SLC25A21: variants seen among roughly 807,000 people sequenced by gnomAD.
SLC25A21 encodes mitochondrial 2-oxodicarboxylate carrier.
SLC25A21 carries 47 observed loss-of-function variants against 43.8 expected under a neutral mutation model. The observed-to-expected ratio is 1.07, with a 90% CI of 0.85 to 1.37. The LOEUF is 1.37. Among genes scored for constraint, SLC25A21 ranks in the 40% most tolerant of loss-of-function variants. The probability of loss-of-function intolerance (pLI) is 0.00; values close to 1 mark genes in which losing one functional copy is unlikely to be tolerated. For synonymous variants in SLC25A21, 131 were observed against 121.3 expected (o/e 1.08, Z -0.52); for missense variants, 352 against 350.2 (o/e 1.00, Z -0.04).
chr14:36,720,940 T>G (rs113808258), intron 6 of SLC25A21, among the ~76,000 whole-genome samples: 1 of 152,328 alleles, frequency 6.6e-6, no homozygotes, highest in African/African-American at 2.4e-5. Context: ...CAGTGGCATC[T>G]GATAATGACC....
Position 37,112,472 on chromosome 14 carries a change from A to G in SLC25A21, c.70+59809T>C, listed in dbSNP as rs552700885. Among the ~76,000 whole-genome samples the G allele has an allele frequency of 3.9e-5, 6 of 152,322 alleles. No individual in the cohort carries two copies. The East Asian group carries it at 1.2e-3, about 29-fold the overall frequency. On this transcript the variant is annotated intron_variant, in intron 1 of 9. Transcript: ENST00000331299. ...GGCACAGACCACTAATTGTCCTCCA[A>G]TATTCATTCTCCTGTTCCTTCCTTG...
chr14:36,792,675 A>T (rs1887531725), intron 3 of SLC25A21, among the ~76,000 whole-genome samples: 2 of 152,178 alleles, frequency 1.3e-5, no homozygotes, highest in African/African-American at 4.8e-5. Context: ...ACAAGAGCTT[A>T]ATTTGTACAT....
intron 1 of SLC25A21, among the ~76,000 whole-genome samples, chr14:36,997,289 C>T (rs1960391759): frequency 1.3e-5 from 2 of 152,068 alleles, no homozygotes; most frequent in African/African-American, 4.8e-5. Context: ...GTCTATGCTC[C>T]CGCGGAGCTA....
chr14:37,172,292 C>G lies in SLC25A21; in HGVS notation c.59G>C (p.Gly20Ala). The change falls in exon 1 of 10, where the codon GGT becomes GCT. Residue 20 changes from glycine (G) to alanine (A), a missense_variant. By Grantham distance (60) the Gly-to-Ala change is moderately conservative. Coordinates refer to ENST00000331299, the MANE Select transcript of SLC25A21 (RefSeq NM_030631.4). Reference protein sequence around the residue: ...VREASRQIVAGGSAGLVEICL... With the variant: ...VREASRQIVAAGSAGLVEICL... ...CGGGCTGTCCTTACCTGCAGAACCACCGGCCACGATCTGCCGAGAAGCCTC... is the reference window on the plus strand; with the variant it reads ...CGGGCTGTCCTTACCTGCAGAACCAGCGGCCACGATCTGCCGAGAAGCCTC... 1 of 1,598,558 alleles carries G rather than the reference C, an allele frequency of 6.3e-7. No individual in the cohort carries two copies. The highest frequency in any genetic ancestry group is 1.1e-5 in the South Asian group (1 of 88,242).
chr14:36,812,740 A>G (rs1327624767), intron 3 of SLC25A21, among the ~76,000 whole-genome samples: 1 of 152,134 alleles, frequency 6.6e-6, no homozygotes, highest in Non-Finnish European at 1.5e-5. Context: ...TTATAGTGCA[A>G]CCTGGCAAGA....
chr14:36,958,677 G>A (rs934449692), intron 1 of SLC25A21, among the ~76,000 whole-genome samples: 13 of 102,582 alleles, frequency 1.3e-4, no homozygotes, highest in Non-Finnish European at 2.1e-4. Flanking sequence ...ATAAGCACAC[G>A]TGCACACACA....
chr14:36,834,278 T>G (rs540846176), intron 2 of SLC25A21, among the ~76,000 whole-genome samples: 164 of 152,232 alleles, frequency 1.1e-3, no homozygotes, highest in African/African-American at 3.8e-3. Context: ...TCAGGCAAGG[T>G]TTTTGTTGCT....
chr14:37,103,760 A>G (rs970067330), intron 1 of SLC25A21, among the ~76,000 whole-genome samples: 1 of 152,160 alleles, frequency 6.6e-6, no homozygotes, highest in African/African-American at 2.4e-5. Flanking sequence ...CTGTGCTTCA[A>G]ATATCATGGC....
At chr14:37,033,341 A>G (rs1961259968) in intron 1 of SLC25A21, among the ~76,000 whole-genome samples, 1 of 152,250 alleles carries the variant, frequency 6.6e-6, no homozygotes, top group South Asian at 2.1e-4. Flanking sequence ...CGTATATACT[A>G]TATTTTTAAA....
intron 3 of SLC25A21, among the ~76,000 whole-genome samples, chr14:36,768,758 G>A (rs1217087119): frequency 6.6e-6 from 1 of 152,030 alleles, no homozygotes; most frequent in Non-Finnish European, 1.5e-5. Flanking sequence ...ATGAGTTAAT[G>A]CACGGACAAA....
At chr14:36,936,016 T>C (rs1415793067) in intron 1 of SLC25A21, among the ~76,000 whole-genome samples, 1 of 105,784 alleles carries the variant, frequency 9.5e-6, no homozygotes, top group Non-Finnish European at 2.4e-5. Flanking sequence ...GCTAAGTTAT[T>C]CCACATTTCC....
At chr14:36,976,813 C>T (rs767664286) in intron 1 of SLC25A21, among the ~76,000 whole-genome samples, 8 of 152,206 alleles carry the variant, frequency 5.3e-5, no homozygotes, top group Non-Finnish European at 1.0e-4. Context: ...ACAACTGCCA[C>T]CCTATCTGAG....
intron 1 of SLC25A21, among the ~76,000 whole-genome samples, chr14:36,906,105 T>C (rs1166131161): frequency 6.6e-6 from 1 of 152,202 alleles, no homozygotes; most frequent in Non-Finnish European, 1.5e-5. Flanking sequence ...GTGAAACTAA[T>C]ACTTATTCTC....
At chr14:36,953,702 T>C (rs1462451076) in intron 1 of SLC25A21, among the ~76,000 whole-genome samples, 2 of 152,196 alleles carry the variant, frequency 1.3e-5, no homozygotes, top group Non-Finnish European at 2.9e-5. Context: ...TAAACAGTAT[T>C]TCAAATACTA....
intron 1 of SLC25A21, among the ~76,000 whole-genome samples, chr14:37,100,362 C>G (rs867917427): frequency 6.6e-6 from 1 of 151,784 alleles, no homozygotes; most frequent in Admixed American, 6.6e-5. Context: ...CTGGCTGCCA[C>G]CACCTCTAGG....
intron 1 of SLC25A21, among the ~76,000 whole-genome samples, chr14:37,137,331 A>T (rs1413273771): frequency 1.3e-5 from 2 of 152,236 alleles, no homozygotes; most frequent in Non-Finnish European, 2.9e-5. Context: ...TTAAATAAAT[A>T]TAAATAATGG....
intron 2 of SLC25A21, among the ~76,000 whole-genome samples, chr14:36,821,674 G>A (rs1373416323): frequency 1.3e-5 from 2 of 151,948 alleles, no homozygotes; most frequent in African/African-American, 2.4e-5. Context: ...AAAATTAGCC[G>A]GGCGTGGTGG....
At chr14:36,739,015 A>G (rs1885148623) in intron 3 of SLC25A21, among the ~76,000 whole-genome samples, 2 of 152,220 alleles carry the variant, frequency 1.3e-5, no homozygotes, top group Non-Finnish European at 2.9e-5. Context: ...AATAAGATAT[A>G]GCAACCTAAA....
intron 1 of SLC25A21, among the ~76,000 whole-genome samples, chr14:36,945,409 A>AC (rs1892656859): frequency 6.6e-6 from 1 of 152,172 alleles, no homozygotes; most frequent in African/African-American, 2.4e-5. Flanking sequence ...AGATATTTGT[A>AC]CCCCCACATT....
Sources: allele counts gnomAD v4.1 joint callset (sites outside exome capture counted in the v4.1 genomes callset), GRCh38; gene constraint gnomAD v4.1.1; transcripts MANE v1.5; gene names NCBI Gene and HGNC (gene_info 2026-07-23, HGNC 2026-07-21).